The following MRPS9 variants were observed in gnomAD, a reference collection of about 807,000 sequenced individuals.
MRPS9 encodes small ribosomal subunit protein uS9m.
MRPS9 carries 45 observed loss-of-function variants against 59.9 expected under a neutral mutation model. The ratio of observed to expected loss-of-function variants is 0.75; its 90% CI spans 0.59 to 0.96. The LOEUF (loss-of-function observed/expected upper bound fraction) is 0.96. MRPS9 is among the 40% of genes least tolerant of loss of function. The pLI is 0.00. For synonymous variants in MRPS9, 171 were observed against 166.8 expected (o/e 1.03, Z -0.19); for missense variants, 473 against 481.1 (o/e 0.98, Z 0.16).
chr2:105,041,528 GTT>G (rs35362832), intron 1 of MRPS9, among the ~76,000 whole-genome samples: 434 of 146,300 alleles, frequency 3.0e-3, no homozygotes, highest in African/African-American at 6.2e-3. Context: ...TAAAGTATCT[GTT>G]TTTTTTTTTT....
At chr2:105,041,764 C>T (rs186354891) in intron 1 of MRPS9, among the ~76,000 whole-genome samples, 1 of 152,152 alleles carries the variant, frequency 6.6e-6, no homozygotes, top group Admixed American at 6.5e-5. Context: ...TTTTTAATCC[C>T]AGTTTATTAG....
intron 5 of MRPS9, among the ~76,000 whole-genome samples, chr2:105,082,470 G>A (rs11892865): frequency 0.19 from 29,641 of 152,114 alleles, 3,056 homozygotes; most frequent in Middle Eastern, 0.35. Flanking sequence ...GTGACTGTTT[G>A]CATAGGAAGC....
intron 5 of MRPS9, among the ~76,000 whole-genome samples, chr2:105,086,561 T>C (rs1680449432): frequency 6.6e-6 from 1 of 152,232 alleles, no homozygotes; most frequent in African/African-American, 2.4e-5. Flanking sequence ...GCCTTAATTA[T>C]TTCAGAAAAT....
chr2:105,091,272 G>T (rs1680552510), intron 7 of MRPS9: 1 of 470,834 alleles, frequency 2.1e-6, no homozygotes, highest in African/African-American at 2.0e-5. Flanking sequence ...GTGACTTCTT[G>T]ACCTAGTTCA....
intron 9 of MRPS9, among the ~76,000 whole-genome samples, chr2:105,094,629 G>A (rs962037414): frequency 6.6e-6 from 1 of 152,158 alleles, no homozygotes; most frequent in African/African-American, 2.4e-5. Flanking sequence ...TTTTATTTGT[G>A]TGTGCCTGTG....
chr2:105,068,798 T>TATAG (rs1201789405), intron 2 of MRPS9, among the ~76,000 whole-genome samples: 1 of 152,264 alleles, frequency 6.6e-6, no homozygotes, highest in African/African-American at 2.4e-5. Context: ...TTTACAGCTC[T>TATAG]ATAGTACTTG....
At chr2:105,085,986 T>C (rs1481316456) in intron 5 of MRPS9, among the ~76,000 whole-genome samples, 1 of 152,194 alleles carries the variant, frequency 6.6e-6, no homozygotes, top group Non-Finnish European at 1.5e-5. Flanking sequence ...GTTGAAGCTA[T>C]AGAATCTACT....
intron 4 of MRPS9, among the ~76,000 whole-genome samples, chr2:105,072,591 T>C (rs1337458354): frequency 6.6e-6 from 1 of 152,176 alleles, no homozygotes; most frequent in African/African-American, 2.4e-5. Context: ...TTAGTAAGCA[T>C]GAAACTCAGC....
intron 6 of MRPS9, among the ~76,000 whole-genome samples, chr2:105,089,585 T>C (rs1302420049): frequency 1.3e-5 from 2 of 152,210 alleles, no homozygotes; most frequent in African/African-American, 4.8e-5. Context: ...CATTAGTCTA[T>C]TGACAGGTTA....
intron 4 of MRPS9, among the ~76,000 whole-genome samples, chr2:105,079,674 T>C (rs1250038088): frequency 6.6e-6 from 1 of 152,228 alleles, no homozygotes; most frequent in African/African-American, 2.4e-5. Flanking sequence ...TTTTTTATTC[T>C]AACAAGATGA....
chr2:105,062,830 TA>T (rs1679931498), intron 2 of MRPS9, among the ~76,000 whole-genome samples: 1 of 152,182 alleles, frequency 6.6e-6, no homozygotes, highest in African/African-American at 2.4e-5. Flanking sequence ...CAGCACAGAT[TA>T]TATAGAGTAT....
At position 105,070,830 on chromosome 2, in the gene MRPS9, GGAA is replaced by G. The variant is rs1285846752; in HGVS notation, c.316-476_316-474del. On this transcript the variant is annotated intron_variant, in intron 2 of 10. Transcript: ENST00000258455. ...AGCATCCCTATTGAAAAACAGACATGGAAGAAGAACTTGTTTGGAAAGAGTGTA... is the reference window on the plus strand; with the variant it reads ...AGCATCCCTATTGAAAAACAGACATGGAAGAACTTGTTTGGAAAGAGTGTA... Among the ~76,000 whole-genome samples, 39 of 152,310 alleles carry G rather than the reference GGAA, an allele frequency of 2.6e-4. 1 individual carries two copies. Among genetic ancestry groups the G allele is most frequent in the African/African-American group, 9.1e-4 (38 of 41,564 alleles).
intron 5 of MRPS9, among the ~76,000 whole-genome samples, chr2:105,087,446 T>C (rs1036863962): frequency 2.0e-5 from 3 of 152,180 alleles, no homozygotes; most frequent in African/African-American, 7.2e-5. Flanking sequence ...ATCTAGGGAC[T>C]GCACTTTTAG....
At chr2:105,086,082 G>T (rs1680439005) in intron 5 of MRPS9, among the ~76,000 whole-genome samples, 1 of 152,158 alleles carries the variant, frequency 6.6e-6, no homozygotes, top group Non-Finnish European at 1.5e-5. Context: ...AAATGGAAAT[G>T]ATGCACCAGT....
chr2:105,054,133 T>C (rs935546096), intron 2 of MRPS9, among the ~76,000 whole-genome samples: 2 of 152,222 alleles, frequency 1.3e-5, no homozygotes, highest in African/African-American at 4.8e-5. Flanking sequence ...GTCAGGGCTC[T>C]CTGTCACTTG....
In MRPS9 at chr2:105,089,076, T is replaced by A; in HGVS notation, c.575+7T>A. 4 of 1,596,874 alleles carry A rather than the reference T, an allele frequency of 2.5e-6. No homozygotes were observed. The highest frequency in any genetic ancestry group is 3.4e-6 in the Non-Finnish European group (4 of 1,169,858). ...CAGAAAAAACTGTAACCAGGTAAGC[T>A]CTTTTCTTGCATTAAAATATAAGTA... On this transcript the variant is annotated splice_region_variant and intron_variant, in intron 6 of 10. Transcript: ENST00000258455.
chr2:105,038,282 C>A, intron 1 of MRPS9, 55 bp downstream of exon 1: 1 of 1,573,032 alleles, frequency 6.4e-7, no homozygotes, highest in Non-Finnish European at 8.6e-7. Context: ...GGATGTGGAG[C>A]CAGCGCGGAC....
At chr2:105,093,685 A>G in intron 9 of MRPS9, 47 bp downstream of exon 9, 1 of 871,178 alleles carries the variant, frequency 1.1e-6, no homozygotes, top group Non-Finnish European at 1.8e-6. Context: ...AACATACTTT[A>G]TAATACATCA....
intron 7 of MRPS9, chr2:105,091,284 A>G (rs1318116465): frequency 8.5e-6 from 4 of 470,956 alleles, no homozygotes; most frequent in South Asian, 4.6e-5. Context: ...CCTAGTTCAG[A>G]AGCAAGGCTG....
Sources: allele counts gnomAD v4.1 joint callset (sites outside exome capture counted in the v4.1 genomes callset), GRCh38; gene constraint gnomAD v4.1.1; transcripts MANE v1.5; gene names NCBI Gene and HGNC (gene_info 2026-07-23, HGNC 2026-07-21).